Variants in ZNF461 observed in about 807,000 individuals in gnomAD.
ZNF461 encodes zinc finger protein 461, also known as gonadotropin-inducible ovarian transcription factor-1.
A neutral mutation model predicts 18.3 loss-of-function variants in ZNF461; 16 were observed. The ratio of observed to expected loss-of-function variants is 0.88; its 90% CI spans 0.59 to 1.33. The LOEUF (loss-of-function observed/expected upper bound fraction) is 1.33, where lower values mean the gene tolerates loss of function less well. Ranked by LOEUF, ZNF461 falls within the 40% of genes most tolerant of loss-of-function variation. The pLI is 0.00. For synonymous variants in ZNF461, 179 were observed against 216.9 expected, an observed-to-expected ratio of 0.83 and a Z score of 1.54; for missense variants, 595 against 669.9, an observed-to-expected ratio of 0.89 and a Z score of 1.23.
At chr19:36,641,977 G>A (rs1010122508) in intron 5 of ZNF461, among the ~76,000 whole-genome samples, 11 of 152,178 alleles carry the variant, frequency 7.2e-5, no homozygotes, top group South Asian at 2.1e-4. Flanking sequence ...GAGAGTGAGC[G>A]CAGTGGTGCA....
intron 2 of ZNF461, among the ~76,000 whole-genome samples, chr19:36,663,516 A>ATT (rs753269882): frequency 1.2e-4 from 16 of 129,860 alleles, no homozygotes; most frequent in South Asian, 5.0e-4. Context: ...TTATTATGTA[A>ATT]TTTTTTTTTT....
Position 36,658,369 on chromosome 19 carries a change from G to C in ZNF461, c.66C>G (p.Cys22Trp), listed in dbSNP as rs2037761317. 2 of 1,611,408 alleles carry C rather than the reference G, an allele frequency of 1.2e-6. No homozygotes were observed. The highest frequency in any genetic ancestry group is 1.7e-6 in the Non-Finnish European group (2 of 1,178,666). The change falls in exon 3 of 6, where the codon TGC becomes TGG. Residue 22 changes from cysteine (C) to tryptophan (W), a missense_variant. Cys to Trp is a radical substitution (Grantham distance 215). Coordinates refer to ENST00000588268, the MANE Select transcript of ZNF461 (RefSeq NM_153257.5). ...AIDVSQEEWE[C>W]LNPAQRNLYK... is the part of the protein sequence containing the mutation. ...ACAAATTCCTCTGCGCTGGGTTCAGGCATTCCCATTCCTCCTGAGAGACAT... is the reference window on the plus strand; with the variant it reads ...ACAAATTCCTCTGCGCTGGGTTCAGCCATTCCCATTCCTCCTGAGAGACAT...
At chr19:36,664,615 T>G in intron 2 of ZNF461, 83 bp downstream of exon 2, 1 of 1,073,510 alleles carries the variant, frequency 9.3e-7, no homozygotes, top group Non-Finnish European at 1.3e-6. Flanking sequence ...AAGCAAATAG[T>G]CACATGCCCT....
chr19:36,643,659 C>T lies in ZNF461; in HGVS notation c.301+135G>A, dbSNP rs919195491. 11 of 732,070 alleles carry T rather than the reference C, an allele frequency of 1.5e-5. 1 individual carries two copies. In the South Asian group the frequency reaches 1.6e-4, roughly 10 times the overall value. The allele number at this position is 732,070 out of a possible 1,614,324, so 45.3% of individuals were successfully genotyped here. A position where few individuals can be genotyped will look rare whatever the true frequency, so the allele number is the denominator to read the frequency against. On this transcript the variant is annotated intron_variant, in intron 5 of 5. Transcript: ENST00000588268. ...TCACATTCTGAAATCTAACAGAATG[C>T]GTGATTATGTATTTCTGTGTGTTCT... is the stretch of plus-strand genomic sequence containing the variant.
chr19:36,666,152 T>G (rs151298495), intron 1 of ZNF461, among the ~76,000 whole-genome samples: 2,366 of 151,150 alleles, frequency 0.016, 28 homozygotes, highest in Non-Finnish European at 0.025. Flanking sequence ...TGGAGTGCAA[T>G]GGCGCGATCT....
intron 2 of ZNF461, among the ~76,000 whole-genome samples, chr19:36,664,183 GA>G (rs2037864018): frequency 6.6e-6 from 1 of 152,184 alleles, no homozygotes; most frequent in Admixed American, 6.5e-5. Context: ...ACAAGTATAT[GA>G]ACATGAGTTG....
chr19:36,653,101 G>C (rs1306821622), intron 4 of ZNF461, among the ~76,000 whole-genome samples: 1 of 152,198 alleles, frequency 6.6e-6, no homozygotes, highest in Non-Finnish European at 1.5e-5. Context: ...TGCTGACTAT[G>C]ATTAGAGAAA....
chr19:36,638,628 C>CA lies in ZNF461; in HGVS notation c.*24dup, dbSNP rs1452436529. The CA allele has an allele frequency of 7.9e-6, 12 of 1,520,406 alleles. No homozygotes were observed. The highest frequency in any genetic ancestry group is 7.8e-5 in the South Asian group (6 of 77,394). The allele number at this position is 1,520,406 out of a possible 1,614,324, so 94.2% of individuals were successfully genotyped here. A position where few individuals can be genotyped will look rare whatever the true frequency, so the allele number is the denominator to read the frequency against. On this transcript the variant is annotated 3_prime_UTR_variant, in exon 6 of 6. Coordinates refer to ENST00000588268, the MANE Select transcript of ZNF461 (RefSeq NM_153257.5). ...ACTTTTTCCTTAAATAAAACAAAGA[C>CA]AATGTATATTTCCATCAACAAATTT...
chr19:36,655,824 T>A (rs1043713004), intron 4 of ZNF461, among the ~76,000 whole-genome samples: 1 of 152,154 alleles, frequency 6.6e-6, no homozygotes, highest in Non-Finnish European at 1.5e-5. Flanking sequence ...AGGTCTTTGA[T>A]CCATTCTGAG....
In ZNF461 at chr19:36,639,256, T is replaced by C. The variant is rs775778605; in HGVS notation, c.1089A>G (p.Gly363=). The C allele has an allele frequency of 2.7e-5, 44 of 1,613,698 alleles. 1 individual carries two copies. The South Asian group carries it at 4.5e-4, about 17-fold the overall frequency. ...GATGTGAGCGATGCCTAAAAGTCTT[T>C]CCACATTCTTTACATTCATAAGGTT... is the stretch of plus-strand genomic sequence containing the variant. ...GEKPYECKEC[G]KTFRHRSHLT... is the part of the protein sequence containing the mutation. The change falls in exon 6 of 6, where the codon GGA becomes GGG. Residue 363 remains glycine (G), a synonymous_variant. Transcript: ENST00000588268.
intron 4 of ZNF461, among the ~76,000 whole-genome samples, chr19:36,648,370 C>G (rs1186303083): frequency 6.6e-6 from 1 of 152,054 alleles, no homozygotes; most frequent in African/African-American, 2.4e-5. Flanking sequence ...AATTAAACCT[C>G]TTTTCAAATT....
intron 2 of ZNF461, 69 bp from the exon 3 acceptor site, chr19:36,658,494 C>T (rs2037764417): frequency 2.0e-6 from 3 of 1,467,400 alleles, no homozygotes; most frequent in Admixed American, 2.2e-5. Flanking sequence ...AAGAGAAGTG[C>T]TAAAAGAAGG....
At chr19:36,661,793 C>G (rs1259647389) in intron 2 of ZNF461, among the ~76,000 whole-genome samples, 1 of 152,100 alleles carries the variant, frequency 6.6e-6, no homozygotes, top group Non-Finnish European at 1.5e-5. Context: ...GGAAAAGCAA[C>G]TAGACATTTT....
Position 36,638,637 on chromosome 19 carries a change from T to A in ZNF461, c.*16A>T, listed in dbSNP as rs1017095297. The A allele has an allele frequency of 6.4e-7, 1 of 1,566,660 alleles. No homozygotes were observed. The highest frequency in any genetic ancestry group is 1.2e-5 in the South Asian group (1 of 84,968). ...TTAAATAAAACAAAGACAATGTATATTTCCATCAACAAATTTCATGATGCT... is the reference window on the plus strand; with the variant it reads ...TTAAATAAAACAAAGACAATGTATAATTCCATCAACAAATTTCATGATGCT... On this transcript the variant is annotated 3_prime_UTR_variant, in exon 6 of 6. Transcript: ENST00000588268.
intron 4 of ZNF461, among the ~76,000 whole-genome samples, chr19:36,653,823 G>A (rs1016380242): frequency 3.9e-5 from 6 of 152,136 alleles, no homozygotes; most frequent in Admixed American, 6.6e-5. Flanking sequence ...CAAGGGTTAG[G>A]AAAAAGAGAA....
At chr19:36,654,615 T>G (rs1365366195) in intron 4 of ZNF461, among the ~76,000 whole-genome samples, 1 of 151,952 alleles carries the variant, frequency 6.6e-6, no homozygotes, top group African/African-American at 2.4e-5. Context: ...CAAGCAATCC[T>G]TCCACCTTGG....
intron 4 of ZNF461, among the ~76,000 whole-genome samples, chr19:36,646,167 G>C (rs1465690551): frequency 6.6e-6 from 1 of 151,872 alleles, no homozygotes; most frequent in African/African-American, 2.4e-5. Context: ...TTTCACTCTT[G>C]TTGCCCAGGC....
chr19:36,639,690 A>G lies in ZNF461; in HGVS notation c.655T>C (p.Ser219Pro). The change falls in exon 6 of 6, where the codon TCT becomes CCT. Residue 219 changes from serine (S) to proline (P), a missense_variant. Transcript: ENST00000588268. ...ATTTCTGTGCATTCTTTACATTCAG[A>G]AAGTTCTTTAGAATGAGTTCTTTTG... ...HHKRTHSKEL[S>P]ECKECTEIVN... The G allele has an allele frequency of 6.2e-7, 1 of 1,613,890 alleles. No homozygotes were observed. The highest frequency in any genetic ancestry group is 1.3e-5 in the African/African-American group (1 of 75,072).
At chr19:36,642,792 T>TA (rs1271696059) in intron 5 of ZNF461, among the ~76,000 whole-genome samples, 11 of 151,194 alleles carry the variant, frequency 7.3e-5, no homozygotes, top group African/African-American at 2.7e-4. Context: ...TCTTGCTCTG[T>TA]AGCCCAGGCT....
Sources: gnomAD v4.1 joint callset for allele counts (sites outside exome capture counted in the v4.1 genomes callset) on GRCh38, gnomAD v4.1.1 for gene constraint, MANE v1.5 for transcripts, NCBI Gene and HGNC (gene_info 2026-07-23, HGNC 2026-07-21) for gene names.